Variants in FAM107B observed in about 807,000 individuals in gnomAD.
FAM107B encodes the protein family with sequence similarity 107 member B, also known as protein FAM107B.
FAM107B carries 21 observed loss-of-function variants against 31.5 expected under a neutral mutation model. The observed-to-expected ratio is 0.67, with a 90% confidence interval of 0.47 to 0.96. FAM107B has a LOEUF of 0.96. Among genes scored for constraint, FAM107B ranks in the 40% least tolerant of loss-of-function variants. FAM107B has a pLI of 0.00. For synonymous variants in FAM107B, 157 were observed against 141.5 expected (o/e 1.11, Z -0.78); for missense variants, 452 against 377.1 (o/e 1.20, Z -1.64).
chr10:14,641,610 A>T (rs1853628351), intron 2 of FAM107B, among the ~76,000 whole-genome samples: 1 of 152,190 alleles, frequency 6.6e-6, no homozygotes, highest in Non-Finnish European at 1.5e-5. Context: ...ACAAAGAGAA[A>T]AAGAGAGAGA....
chr10:14,675,692 C>G (rs896177523), intron 1 of FAM107B, among the ~76,000 whole-genome samples: 1 of 151,826 alleles, frequency 6.6e-6, no homozygotes, highest in Non-Finnish European at 1.5e-5. Context: ...AAACATCTTA[C>G]AGTGGATAGC....
chr10:14,685,142 A>ATTTTTTATTTTT (rs1854948982), intron 1 of FAM107B, among the ~76,000 whole-genome samples: 1 of 36,778 alleles, frequency 2.7e-5, no homozygotes, highest in East Asian at 1.9e-3. Context: ...ACATCCTTTT[A>ATTTTTTATTTTT]TTTTTTTTTT....
chr10:14,539,799 C>T (rs1049893097), intron 2 of FAM107B, among the ~76,000 whole-genome samples: 1 of 152,116 alleles, frequency 6.6e-6, no homozygotes. Context: ...TGACTTTTTT[C>T]ACCCAGTTGA....
At chr10:14,687,568 C>G (rs1855019876) in intron 1 of FAM107B, among the ~76,000 whole-genome samples, 1 of 146,032 alleles carries the variant, frequency 6.8e-6, no homozygotes, top group Non-Finnish European at 1.5e-5. Flanking sequence ...TGTTCTCACC[C>G]TACAGACATT....
chr10:14,566,166 T>C (rs575642515), intron 2 of FAM107B, among the ~76,000 whole-genome samples: 2 of 152,342 alleles, frequency 1.3e-5, no homozygotes, highest in African/African-American at 4.8e-5. Flanking sequence ...TGGTATCAGT[T>C]TCACTAAAGT....
intron 2 of FAM107B, among the ~76,000 whole-genome samples, chr10:14,593,390 T>C (rs772750006): frequency 3.9e-5 from 6 of 152,178 alleles, no homozygotes; most frequent in Non-Finnish European, 8.8e-5. Flanking sequence ...GTAACACTAA[T>C]TCTTATTCAA....
chr10:14,530,272 T>C, intron 3 of FAM107B, 60 bp downstream of exon 3: 1 of 1,478,310 alleles, frequency 6.8e-7, no homozygotes, highest in African/African-American at 1.4e-5. Flanking sequence ...CAATTAAAAT[T>C]AGATATCATG....
intron 2 of FAM107B, among the ~76,000 whole-genome samples, chr10:14,666,991 A>C (rs1854419609): frequency 6.6e-6 from 1 of 152,234 alleles, no homozygotes; most frequent in Non-Finnish European, 1.5e-5. Context: ...CGAATCACAT[A>C]AAACACCAAA....
At chr10:14,661,960 G>C (rs1241657496) in intron 2 of FAM107B, among the ~76,000 whole-genome samples, 3 of 152,100 alleles carry the variant, frequency 2.0e-5, no homozygotes, top group African/African-American at 7.2e-5. Flanking sequence ...AAGGATCTTT[G>C]TTTTAGTCTC....
intron 1 of FAM107B, among the ~76,000 whole-genome samples, chr10:14,697,115 G>A (rs1321681575): frequency 6.6e-6 from 1 of 152,200 alleles, no homozygotes; most frequent in Non-Finnish European, 1.5e-5. Flanking sequence ...AAGCTTGGAT[G>A]GGGAGCCAGT....
Position 14,530,384 on chromosome 10 carries a change from T to G in FAM107B, c.601A>C (p.Thr201Pro), listed in dbSNP as rs766999188. 4 of 1,607,886 alleles carry G rather than the reference T, an allele frequency of 2.5e-6. No homozygotes were observed. Among genetic ancestry groups the G allele is most frequent in the Non-Finnish European group, 3.4e-6 (4 of 1,177,386 alleles). ...RPQKLINPVK[T>P]SRNHQDLHRE... is the part of the protein sequence containing the mutation. ...TGAAGATCTTGATGGTTCCGGGAGG[T>G]TTTTACAGGATTGATCAGTTTCTGA... The change falls in exon 3 of 5, where the codon ACC (threonine) becomes CCC (proline). Residue 201 changes from threonine (T) to proline (P), a missense_variant. Transcript: ENST00000181796.
rs1833019756 is a variant in FAM107B, at chr10:14,760,389, T to C, written c.411+13864A>G. Among the ~76,000 whole-genome samples the C allele has an allele frequency of 2.0e-5, 3 of 152,196 alleles. 1 individual carries two copies. In the South Asian group the frequency reaches 6.2e-4, roughly 31 times the overall value. ...CTATATTAGAAAGAGCAACTGCTTA[T>C]ACAGAACTTTAAGCATTACAGGAGA... On this transcript the variant is annotated intron_variant, in intron 1 of 4. Transcript: ENST00000181796.
chr10:14,548,746 T>G, intron 2 of FAM107B: 2 of 764,904 alleles, frequency 2.6e-6, no homozygotes, highest in Non-Finnish European at 3.2e-6. Flanking sequence ...AAAATGCAAA[T>G]TGGCATCCAG....
At chr10:14,692,142 CAA>C in intron 1 of FAM107B, among the ~76,000 whole-genome samples, 2 of 152,060 alleles carry the variant, frequency 1.3e-5, no homozygotes, top group South Asian at 4.2e-4. Flanking sequence ...GCTGGGAAGG[CAA>C]TCGAGGGGAG....
chr10:14,560,553 G>A (rs147024651), intron 2 of FAM107B, among the ~76,000 whole-genome samples: 1 of 152,150 alleles, frequency 6.6e-6, no homozygotes, highest in Non-Finnish European at 1.5e-5. Context: ...GGTAAGCTTG[G>A]GAAATAGGGC....
At chr10:14,705,023 CAAAA>C (rs57922026) in intron 1 of FAM107B, among the ~76,000 whole-genome samples, 8 of 87,908 alleles carry the variant, frequency 9.1e-5, no homozygotes, top group East Asian at 6.6e-4. Context: ...GACCCTGTCA[CAAAA>C]AAAAAAAAAA....
At chr10:14,684,894 C>T (rs1854938753) in intron 1 of FAM107B, among the ~76,000 whole-genome samples, 1 of 151,776 alleles carries the variant, frequency 6.6e-6, no homozygotes, top group African/African-American at 2.4e-5. Context: ...AATCTTGGCT[C>T]ACGGCAGCCT....
intron 2 of FAM107B, among the ~76,000 whole-genome samples, chr10:14,559,099 C>CAAAA (rs745765049): frequency 3.4e-5 from 3 of 88,190 alleles, no homozygotes; most frequent in African/African-American, 4.8e-5. Context: ...TGTGGAACTT[C>CAAAA]AAAAAAAAAA....
rs1198914180 is a variant in FAM107B, at chr10:14,774,715, G to T, written c.-52C>A. 3 of 1,561,832 alleles carry T rather than the reference G, an allele frequency of 1.9e-6. No homozygotes were observed. In the Admixed American group the frequency reaches 5.3e-5, roughly 28 times the overall value. On this transcript the variant is annotated 5_prime_UTR_variant, in exon 1 of 5. Transcript: ENST00000181796. The stretch of plus-strand genomic sequence containing the variant: ...CAAACGGGGCAAGGAAATTTTCCAG[G>T]GGTCCACATCACCTCCACTTTGCTT...
Sources: allele counts gnomAD v4.1 joint callset (sites outside exome capture counted in the v4.1 genomes callset), GRCh38; gene constraint gnomAD v4.1.1; transcripts MANE v1.5; gene names NCBI Gene and HGNC (gene_info 2026-07-23, HGNC 2026-07-21).